XK: variants seen among roughly 807,000 people sequenced by gnomAD.
XK encodes endoplasmic reticulum membrane adapter protein XK.
XK carries 2 observed loss-of-function variants against 14.0 expected under a neutral mutation model. That is an observed-to-expected ratio of 0.14 (90% CI 0.06 to 0.45). XK has a LOEUF of 0.45. Among genes scored for constraint, XK ranks in the 20% least tolerant of loss-of-function variants. XK has a pLI of 0.98. For synonymous variants in XK, 149 were observed against 147.5 expected (o/e 1.01, Z -0.08); for missense variants, 235 against 341.5 (o/e 0.69, Z 2.46).
rs781899155 is a variant in XK at position 37,699,180 on chromosome X, G to A, written c.508+4632G>A. On this transcript the variant is annotated intron_variant, in intron 2 of 2. Transcript: ENST00000378616. Reference sequence around the variant, plus strand: ...GGAATAGTCAGAGTGGATTATTGGAGCAATATTAAGAATGCGTAAGTGGAA... The same window carrying A: ...GGAATAGTCAGAGTGGATTATTGGAACAATATTAAGAATGCGTAAGTGGAA... Among the ~76,000 whole-genome samples the A allele has an allele frequency of 1.2e-4, 13 of 112,426 alleles. No individual in the cohort carries two copies. In the East Asian group the frequency reaches 3.1e-3, roughly 27 times the overall value.
At chrX:37,709,639 G>A (rs1479076508) in intron 2 of XK, among the ~76,000 whole-genome samples, 2 of 111,957 alleles carry the variant, frequency 1.8e-5, no homozygotes, top group Non-Finnish European at 3.8e-5. Flanking sequence ...TGGTTTCTAG[G>A]ATAATACATT....
chrX:37,693,476 CGTGTGTGT>C (rs781954179), intron 1 of XK, among the ~76,000 whole-genome samples: 3 of 95,934 alleles, frequency 3.1e-5, no homozygotes, highest in East Asian at 6.7e-4. Context: ...TCTATCAATT[CGTGTGTGT>C]GTGTGTGTGT....
chrX:37,719,452 C>T (rs1398474925), intron 2 of XK, among the ~76,000 whole-genome samples: 3 of 110,794 alleles, frequency 2.7e-5, no homozygotes, highest in Non-Finnish European at 3.8e-5. Context: ...CTTTCTCTCT[C>T]TCTTTTTCTC....
intron 2 of XK, among the ~76,000 whole-genome samples, chrX:37,716,475 A>G (rs1602155081): frequency 8.9e-6 from 1 of 111,981 alleles, no homozygotes. Flanking sequence ...GTGCATGCAA[A>G]TATTTGTGAG....
At chrX:37,692,770 A>C (rs1298685908) in intron 1 of XK, among the ~76,000 whole-genome samples, 2 of 111,503 alleles carry the variant, frequency 1.8e-5, no homozygotes, top group Non-Finnish European at 1.9e-5. Context: ...GGCCTCATAC[A>C]GTCCTCAGTC....
chrX:37,727,820 C>T lies in XK; in HGVS notation c.693C>T (p.Ser231=), dbSNP rs141156732. ...TTGTAGTCCTGGTCCTCTTTACCTC[C>T]GTCCTGAAGACCTGGGTGGTGGTTA... ...TRVVVLVLFT[S]VLKTWVVVII... The change falls in exon 3 of 3, where the codon TCC becomes TCT. Residue 231 remains serine (S), a synonymous_variant. Transcript: ENST00000378616. 2.9e-5 allele frequency: 35 copies of T among 1,209,079 alleles called. No individual in the cohort carries two copies. In the South Asian group the frequency reaches 4.6e-4, roughly 16 times the overall value.
chrX:37,697,199 GA>G (rs1227631446), intron 2 of XK, among the ~76,000 whole-genome samples: 4 of 112,092 alleles, frequency 3.6e-5, no homozygotes, highest in Non-Finnish European at 7.5e-5. Context: ...TGGAAATTGT[GA>G]TTTGCTGTGT....
chrX:37,714,775 C>T (rs1484761531), intron 2 of XK, among the ~76,000 whole-genome samples: 10 of 110,598 alleles, frequency 9.0e-5, no homozygotes, highest in Non-Finnish European at 1.7e-4. Context: ...GCGACTGAGG[C>T]CTGCTTTTCA....
intron 1 of XK, among the ~76,000 whole-genome samples, chrX:37,692,169 C>T (rs974527788): frequency 9.0e-6 from 1 of 110,735 alleles, no homozygotes; most frequent in Non-Finnish European, 1.9e-5. Context: ...TGTTGCAATA[C>T]GTTTTCTTCT....
intron 2 of XK, among the ~76,000 whole-genome samples, chrX:37,698,777 A>C (rs972137229): frequency 2.7e-5 from 3 of 111,441 alleles, no homozygotes; most frequent in Non-Finnish European, 3.8e-5. Context: ...CAAATTATTA[A>C]TCAAATGCAT....
rs963083507 is a variant in XK at position 37,721,862 on chromosome X, C to T, written c.509-5774C>T. Reference sequence around the variant, plus strand: ...TCCATACAATGGAATATTATTTGGCCATAAAAAGGAATGAAGTACTGATAC... The same window carrying T: ...TCCATACAATGGAATATTATTTGGCTATAAAAAGGAATGAAGTACTGATAC... On this transcript the variant is annotated intron_variant, in intron 2 of 2. Transcript: ENST00000378616. Among the ~76,000 whole-genome samples, 5 of 111,295 alleles carry T rather than the reference C, an allele frequency of 4.5e-5. No individual in the cohort carries two copies. In the East Asian group the frequency reaches 1.4e-3, roughly 31 times the overall value.
intron 2 of XK, among the ~76,000 whole-genome samples, chrX:37,712,898 T>C (rs1927694427): frequency 8.9e-6 from 1 of 112,175 alleles, no homozygotes; most frequent in African/African-American, 3.2e-5. Context: ...ATGTATTACT[T>C]CATATAATAA....
intron 2 of XK, among the ~76,000 whole-genome samples, chrX:37,722,701 C>A (rs1441415478): frequency 8.9e-6 from 1 of 111,815 alleles, no homozygotes; most frequent in African/African-American, 3.2e-5. Context: ...AGTCATTTTA[C>A]TGAAGATTCA....
intron 2 of XK, among the ~76,000 whole-genome samples, chrX:37,708,972 T>A (rs782357202): frequency 8.9e-6 from 1 of 112,502 alleles, no homozygotes; most frequent in Non-Finnish European, 1.9e-5. Flanking sequence ...AATTATAACT[T>A]TTAAGCAGCC....
rs1489950764 is a variant in XK, at chrX:37,732,021, A to G, written c.*3559A>G. 2 of 111,646 alleles carry G rather than the reference A, an allele frequency of 1.8e-5. No individual in the cohort carries two copies. Among genetic ancestry groups the G allele is most frequent in the African/African-American group, 3.2e-5 (1 of 30,787 alleles). The allele number at this position is 111,646 out of a possible 1,213,427, so 9.2% of individuals were successfully genotyped here. A position where few individuals can be genotyped will look rare whatever the true frequency, so the allele number is the denominator to read the frequency against. On this transcript the variant is annotated 3_prime_UTR_variant, in exon 3 of 3. Coordinates refer to ENST00000378616, the MANE Select transcript of XK (RefSeq NM_021083.4). ...TGTATGTGCCAGTACTTACCAGTCA[A>G]TGCATTGTGGATATGAGCTTTCGTT...
At chrX:37,692,504 A>T (rs1256073013) in intron 1 of XK, among the ~76,000 whole-genome samples, 3 of 112,081 alleles carry the variant, frequency 2.7e-5, no homozygotes, top group African/African-American at 9.7e-5. Context: ...GTGTTCAAGC[A>T]ATTCTCCTGC....
intron 2 of XK, among the ~76,000 whole-genome samples, chrX:37,695,431 G>A (rs1480778779): frequency 9.3e-6 from 1 of 107,645 alleles, no homozygotes; most frequent in Non-Finnish European, 1.9e-5. Context: ...GCAGATTTTG[G>A]TTAAGTTAAA....
rs139942937 is a variant in XK at position 37,728,262 on chromosome X, C to T, written c.1135C>T (p.Leu379Phe). 5.8e-6 allele frequency: 7 copies of T among 1,211,331 alleles called. No individual in the cohort carries two copies. The highest frequency in any genetic ancestry group is 7.8e-6 in the Non-Finnish European group (7 of 895,403). ...FYQFFHPCKK[L>F]FSSSVSEGFQ... ...TCAGTTCTTCCACCCTTGCAAAAAG[C>T]TCTTTTCTTCCAGTGTTTCTGAAGG... Residue 379 changes from leucine to phenylalanine, a missense_variant, in exon 3 of 3, where the codon CTC (leucine) becomes TTC (phenylalanine). Leu to Phe is a conservative substitution (Grantham distance 22, BLOSUM62 0). Coordinates refer to ENST00000378616, the MANE Select transcript of XK (RefSeq NM_021083.4).
At chrX:37,710,293 C>T (rs1477444217) in intron 2 of XK, among the ~76,000 whole-genome samples, 7 of 112,278 alleles carry the variant, frequency 6.2e-5, no homozygotes, top group African/African-American at 2.3e-4. Context: ...GCTCTGGATT[C>T]ACCTATGAGA....
Sources: allele counts gnomAD v4.1 joint callset (sites outside exome capture counted in the v4.1 genomes callset), GRCh38; gene constraint gnomAD v4.1.1; transcripts MANE v1.5; gene names NCBI Gene and HGNC (gene_info 2026-07-23, HGNC 2026-07-21).